Variants in NPIPB2 observed in about 807,000 individuals in gnomAD.
The protein encoded by NPIPB2 is nuclear pore complex-interacting protein family member B2.
In NPIPB2, 27 loss-of-function variants were observed where a neutral mutation model predicts 30.8. The ratio of observed to expected loss-of-function variants is 0.88; its 90% CI spans 0.65 to 1.21. The LOEUF (loss-of-function observed/expected upper bound fraction) is 1.21, where lower values mean the gene tolerates loss of function less well. Among genes scored for constraint, NPIPB2 ranks in the 50% most tolerant of loss-of-function variants. NPIPB2 has a pLI of 0.00. For synonymous variants in NPIPB2, 147 were observed against 162.0 expected (o/e 0.91, Z 0.70); for missense variants, 440 against 446.2 (o/e 0.99, Z 0.13).
chr16:11,927,564 G>T (rs1227560567), exon 8 of NPIPB2: 2 of 1,607,316 alleles, frequency 1.2e-6, no homozygotes, highest in Non-Finnish European at 1.7e-6. Context: ...GGTTTGGGTG[G>T]TTTTTCTGCC....
chr16:11,965,345 G>T, intron 1 of NPIPB2: 1 of 1,614,200 alleles, frequency 6.2e-7, no homozygotes, highest in Non-Finnish European at 8.5e-7. Flanking sequence ...TGGCTGGGCA[G>T]TGCTCCCAAA....
chr16:11,956,129 C>T (rs539289771), intron 1 of NPIPB2: 2 of 152,378 alleles, frequency 1.3e-5, no homozygotes, highest in East Asian at 1.9e-4. Flanking sequence ...GGGCACCTCC[C>T]TCTTGTGATC....
upstream of NPIPB2, among the ~76,000 whole-genome samples, chr16:11,944,072 T>C (rs964043535): frequency 4.7e-5 from 7 of 149,826 alleles, no homozygotes; most frequent in Non-Finnish European, 1.0e-4. Flanking sequence ...TTGGCTGTGA[T>C]ACTCGGTACA....
intron 1 of NPIPB2, among the ~76,000 whole-genome samples, chr16:11,955,229 C>CCCTT (rs2055100068): frequency 6.6e-6 from 1 of 151,672 alleles, no homozygotes; most frequent in African/African-American, 2.4e-5. Context: ...TGGCACATGC[C>CCCTT]TATAATCCCA....
intron 1 of NPIPB2, among the ~76,000 whole-genome samples, chr16:11,951,625 T>TACAGACAC (rs1422926153): frequency 5.2e-5 from 5 of 95,868 alleles, no homozygotes; most frequent in African/African-American, 1.9e-4. Flanking sequence ...CACATACACA[T>TACAGACAC]ACACACACAC....
chr16:11,927,886 G>A lies in NPIPB2; in HGVS notation c.688-7C>T. 1 of 997,456 alleles carries A rather than the reference G, an allele frequency of 1.0e-6. No homozygotes were observed. The highest frequency in any genetic ancestry group is 1.4e-6 in the Non-Finnish European group (1 of 700,260). 61.8% of individuals were successfully genotyped at this position (997,456 alleles called of 1,614,324 possible). On this transcript the variant is annotated splice_region_variant and splice_polypyrimidine_tract_variant and intron_variant, in intron 7 of 7. Coordinates refer to ENST00000399147, the Ensembl canonical transcript of NPIPB2. Reference sequence around the variant, plus strand: ...CCGCTGCCGCCATTCTGACCTGTAGGGCCAAAGGAGGGAATGTTTTCACAC... The same window carrying A: ...CCGCTGCCGCCATTCTGACCTGTAGAGCCAAAGGAGGGAATGTTTTCACAC...
At chr16:11,972,588 A>T (rs1441771109) in intron 1 of NPIPB2, among the ~76,000 whole-genome samples, 4 of 151,428 alleles carry the variant, frequency 2.6e-5, no homozygotes, top group Admixed American at 6.6e-5. Flanking sequence ...AAAAAAAGAA[A>T]AAAAAGCTAG....
intron 1 of NPIPB2, among the ~76,000 whole-genome samples, chr16:11,957,909 G>A (rs1050674935): frequency 7.2e-5 from 11 of 152,150 alleles, no homozygotes; most frequent in Admixed American, 4.6e-4. Flanking sequence ...CTCTAGCTCT[G>A]TATCTCCTTT....
At chr16:11,965,868 G>T (rs1421197238) in intron 1 of NPIPB2, among the ~76,000 whole-genome samples, 2 of 152,186 alleles carry the variant, frequency 1.3e-5, no homozygotes, top group African/African-American at 2.4e-5. Context: ...CCAGCACTTT[G>T]GGAGGCCGAG....
intron 1 of NPIPB2, among the ~76,000 whole-genome samples, chr16:11,950,140 C>CT (rs2055049574): frequency 6.6e-6 from 1 of 152,122 alleles, no homozygotes; most frequent in African/African-American, 2.4e-5. Context: ...TCAAGGGATT[C>CT]TCCTGCCTCA....
intron 2 of NPIPB2, among the ~76,000 whole-genome samples, chr16:11,934,136 C>G (rs2054832218): frequency 6.6e-6 from 1 of 151,450 alleles, no homozygotes; most frequent in Non-Finnish European, 1.5e-5. Flanking sequence ...GAGGCTGAGG[C>G]AGAGAACCGT....
intron 4 of NPIPB2, among the ~76,000 whole-genome samples, chr16:11,932,517 C>T (rs2157068): frequency 0.049 from 7,460 of 151,780 alleles, 378 homozygotes; most frequent in African/African-American, 0.14. Flanking sequence ...GTGGCTCATG[C>T]CTGTAATCTC....
chr16:11,966,927 C>G (rs11570153), intron 1 of NPIPB2: 2,289 of 154,792 alleles, frequency 0.015, 48 homozygotes, highest in African/African-American at 0.051. Flanking sequence ...AGCACCTTTG[C>G]TCATGATTGG....
In NPIPB2 at chr16:11,927,765, G is replaced by C. The variant is rs758934643; in HGVS notation, c.802C>G (p.Gln268Glu). The C allele has an allele frequency of 3.3e-5, 52 of 1,594,888 alleles. No homozygotes were observed. The South Asian group carries it at 5.6e-4, about 17-fold the overall frequency. ...AGGGAGTTATCAGTTATAGAATGTTGTTGAGTTGGAGGAGGTGGCTGGTGG... is the reference window on the plus strand; with the variant it reads ...AGGGAGTTATCAGTTATAGAATGTTCTTGAGTTGGAGGAGGTGGCTGGTGG... Residue 268 changes from glutamine (Q) to glutamate (E), a missense_variant, in exon 8 of 8, where the codon CAA becomes GAA. Around this residue, in one of 3 missense-constraint regions of NPIPB2, gnomAD observed 48 missense variants for 96.4 expected, o/e 0.50. Coordinates refer to ENST00000399147, the Ensembl canonical transcript of NPIPB2.
At chr16:11,966,195 G>A (rs1378719806) in intron 1 of NPIPB2, 1 of 1,611,574 alleles carries the variant, frequency 6.2e-7, no homozygotes, top group African/African-American at 1.3e-5. Flanking sequence ...TTTCATAAAG[G>A]TGTGACCAAT....
At chr16:11,935,115 C>T (rs2054847964) in intron 2 of NPIPB2, among the ~76,000 whole-genome samples, 1 of 140,768 alleles carries the variant, frequency 7.1e-6, no homozygotes, top group South Asian at 2.6e-4. Flanking sequence ...CCTTCCCTCA[C>T]ATCAGCTTCA....
intron 1 of NPIPB2, among the ~76,000 whole-genome samples, chr16:11,972,203 G>A (rs1252837718): frequency 6.6e-6 from 1 of 152,128 alleles, no homozygotes. Flanking sequence ...AGGGATTGTG[G>A]AGACCGTAGT....
chr16:11,954,224 T>G (rs994261969), intron 1 of NPIPB2, among the ~76,000 whole-genome samples: 2 of 151,996 alleles, frequency 1.3e-5, no homozygotes, highest in Non-Finnish European at 2.9e-5. Context: ...TGGTGGCTAA[T>G]GCCTGTAATC....
At chr16:11,932,201 G>A (rs1378619241) in intron 4 of NPIPB2, among the ~76,000 whole-genome samples, 1 of 152,060 alleles carries the variant, frequency 6.6e-6, no homozygotes, top group Non-Finnish European at 1.5e-5. Context: ...CTCTTCTGCA[G>A]CAAGATAACA....
Sources: gnomAD v4.1 joint callset for allele counts (sites outside exome capture counted in the v4.1 genomes callset) on GRCh38, gnomAD v4.1.1 for gene constraint, gnomAD v4.1.1 regional missense constraint, MANE v1.5 for transcripts, NCBI Gene and HGNC (gene_info 2026-07-23, HGNC 2026-07-21) for gene names.